SGO1: variants seen among roughly 807,000 people sequenced by gnomAD.
SGO1 encodes the protein serologically defined breast cancer antigen NY-BR-85.
A neutral mutation model predicts 50.5 loss-of-function variants in SGO1; 39 were observed. The ratio of observed to expected loss-of-function variants is 0.77; its 90% CI spans 0.60 to 1.01. The LOEUF (loss-of-function observed/expected upper bound fraction) is 1.01, where lower values mean the gene tolerates loss of function less well. Among genes scored for constraint, SGO1 ranks in the 50% least tolerant of loss-of-function variants. The pLI, the probability that SGO1 is intolerant of heterozygous loss-of-function variation, is 0.00. For synonymous variants in SGO1, 191 were observed against 205.1 expected, an observed-to-expected ratio of 0.93 and a Z score of 0.59; for missense variants, 638 against 606.0, an observed-to-expected ratio of 1.05 and a Z score of -0.55.
chr3:20,178,706 G>T lies in SGO1; in HGVS notation c.340-359C>A, dbSNP rs368937395. Reference sequence around the variant, plus strand: ...ACTGCAAAGGAGCTAGCCACTGAAAGAACAGGAGGAAAAGAAGGCAGTGGA... The same window carrying T: ...ACTGCAAAGGAGCTAGCCACTGAAATAACAGGAGGAAAAGAAGGCAGTGGA... On this transcript the variant is annotated intron_variant, in intron 3 of 7. Coordinates refer to ENST00000412997, the MANE Select transcript of SGO1 (RefSeq NM_001199251.3). Among the ~76,000 whole-genome samples, 201 of 152,298 alleles carry T rather than the reference G, an allele frequency of 1.3e-3. 1 individual carries two copies. The highest frequency in any genetic ancestry group is 4.7e-3 in the African/African-American group (196 of 41,566).
At chr3:20,180,509 A>G (rs1350937090) in intron 3 of SGO1, among the ~76,000 whole-genome samples, 1 of 152,144 alleles carries the variant, frequency 6.6e-6, no homozygotes, top group East Asian at 1.9e-4. Context: ...GATATATAGA[A>G]GAGAGAACAA....
At position 20,186,098 on chromosome 3, in the gene SGO1, C is replaced by T. The variant is rs926740102; in HGVS notation, c.-158G>A. 2 of 152,788 alleles carry T rather than the reference C, an allele frequency of 1.3e-5. No individual in the cohort carries two copies. The highest frequency in any genetic ancestry group is 4.8e-5 in the African/African-American group (2 of 41,482). The allele number at this position is 152,788 out of a possible 1,614,324, so 9.5% of individuals were successfully genotyped here. On this transcript the variant is annotated 5_prime_UTR_variant, in exon 1 of 8. An upstream open reading frame in the 5' UTR loses its in-frame stop. Coordinates refer to ENST00000412997, the MANE Select transcript of SGO1 (RefSeq NM_001199251.3). The stretch of plus-strand genomic sequence containing the variant: ...CTGCAACAGCTATCTTCCTCCTCCT[C>T]ACATTTCAAGGCTCTTCGAAGCTCT...
exon 9 of SGO1, chr3:20,161,102 A>C: frequency 6.2e-7 from 1 of 1,613,918 alleles, no homozygotes; most frequent in Non-Finnish European, 8.5e-7. Flanking sequence ...AAGCCCGTGG[A>C]CTTTACCTCA....
chr3:20,183,479 A>G, intron 3 of SGO1, 129 bp downstream of exon 3: 2 of 781,580 alleles, frequency 2.6e-6, no homozygotes, highest in Non-Finnish European at 4.0e-6. Flanking sequence ...TGGAGCACTA[A>G]AGAAGGATGT....
rs1054991100 is a variant in SGO1, at chr3:20,169,557, A to C, written c.*1147T>G. 4.1e-6 allele frequency: 4 copies of C among 984,512 alleles called. No individual in the cohort carries two copies. The highest frequency in any genetic ancestry group is 4.8e-6 in the Non-Finnish European group (4 of 829,152). 61.0% of individuals were successfully genotyped at this position (984,512 alleles called of 1,614,324 possible). A position where few individuals can be genotyped will look rare whatever the true frequency, so the allele number is the denominator to read the frequency against. The stretch of plus-strand genomic sequence containing the variant: ...TTCTAAAATTTAAAGAGGTATATAC[A>C]AGTATAGACATCAAACTTTCTAAAC... On this transcript the variant is annotated 3_prime_UTR_variant, in exon 8 of 8. Transcript: ENST00000412997.
intron 6 of SGO1, among the ~76,000 whole-genome samples, chr3:20,172,949 G>C (rs1345311958): frequency 1.3e-5 from 2 of 152,102 alleles, no homozygotes; most frequent in African/African-American, 4.8e-5. Flanking sequence ...CGAGGTGATA[G>C]AGCAAGACCC....
intron 8 of SGO1, among the ~76,000 whole-genome samples, chr3:20,161,597 A>T (rs1309706529): frequency 6.6e-6 from 1 of 152,170 alleles, no homozygotes; most frequent in Non-Finnish European, 1.5e-5. Context: ...TCAGGGCAGA[A>T]TATTGGTTTT....
chr3:20,169,020 A>C, downstream of SGO1: 1 of 984,656 alleles, frequency 1.0e-6, no homozygotes. Flanking sequence ...ATAAGTATGA[A>C]GGGAGTAGTA....
chr3:20,166,315 T>C (rs1455160065), downstream of SGO1, among the ~76,000 whole-genome samples: 4 of 152,196 alleles, frequency 2.6e-5, no homozygotes, highest in Admixed American at 6.5e-5. Flanking sequence ...TGGATTTGAA[T>C]AGACATTTCT....
At chr3:20,179,521 C>G (rs1359427022) in intron 3 of SGO1, among the ~76,000 whole-genome samples, 1 of 152,080 alleles carries the variant, frequency 6.6e-6, no homozygotes, top group East Asian at 1.9e-4. Context: ...AACTCCTGGG[C>G]ACAAGCAATC....
chr3:20,180,967 C>T (rs981140292), intron 3 of SGO1, among the ~76,000 whole-genome samples: 2 of 152,184 alleles, frequency 1.3e-5, no homozygotes, highest in East Asian at 1.9e-4. Context: ...TCTCTACCCC[C>T]AACAAAAAAA....
At chr3:20,184,737 T>C (rs1702427901) in intron 1 of SGO1, among the ~76,000 whole-genome samples, 2 of 152,194 alleles carry the variant, frequency 1.3e-5, no homozygotes. Context: ...TCCCAGTAAA[T>C]TATGAACATA....
chr3:20,183,810 A>C lies in SGO1; in HGVS notation c.143-6T>G, dbSNP rs1212063267. 1 of 1,602,364 alleles carries C rather than the reference A, an allele frequency of 6.2e-7. No individual in the cohort carries two copies. Among genetic ancestry groups the C allele is most frequent in the Non-Finnish European group, 8.5e-7 (1 of 1,177,358 alleles). On this transcript the variant is annotated splice_region_variant and splice_polypyrimidine_tract_variant and intron_variant, in intron 2 of 7. Transcript: ENST00000412997. Reference sequence around the variant, plus strand: ...CAGCAGTGTAGAAGTGTTGGCTAAAAGAGGATAAAAAAATTTATCAGTTAT... The same window carrying C: ...CAGCAGTGTAGAAGTGTTGGCTAAACGAGGATAAAAAAATTTATCAGTTAT...
rs745356788 is a variant in SGO1, at chr3:20,183,986, A to C, written c.42T>G (p.Ser14Arg). 6.2e-7 allele frequency: 1 copy of C among 1,605,136 alleles called. No homozygotes were observed. Among genetic ancestry groups the C allele is most frequent in the Non-Finnish European group, 8.5e-7 (1 of 1,178,032 alleles). Residue 14 changes from serine (S) to arginine (R), a missense_variant, in exon 2 of 8, where the codon AGT becomes AGG. Physicochemically the swap from Ser to Arg is moderately radical, Grantham distance 110. Transcript: ENST00000412997. ...ERCLKKSFQD[S>R]LEDIKKRMKE... Reference sequence around the variant, plus strand: ...TCATTCGCTTCTTTATGTCTTCAAGACTATCTTGAAAGGACTTTTTCAGGC... The same window carrying C: ...TCATTCGCTTCTTTATGTCTTCAAGCCTATCTTGAAAGGACTTTTTCAGGC...
chr3:20,169,386 A>ACCAAG (rs1700495725), downstream of SGO1: 1 of 984,706 alleles, frequency 1.0e-6, no homozygotes, highest in African/African-American at 1.7e-5. Context: ...AAAAGAGAAT[A>ACCAAG]CCAAGGGGAG....
downstream of SGO1, among the ~76,000 whole-genome samples, chr3:20,167,437 T>C (rs892833413): frequency 6.7e-6 from 1 of 148,612 alleles, no homozygotes; most frequent in African/African-American, 2.5e-5. Flanking sequence ...TTAGAATACT[T>C]GTCAACAGAA....
At chr3:20,183,062 T>C (rs1280041173) in intron 3 of SGO1, among the ~76,000 whole-genome samples, 1 of 152,084 alleles carries the variant, frequency 6.6e-6, no homozygotes, top group Non-Finnish European at 1.5e-5. Flanking sequence ...TGATCTTACT[T>C]GTCTGGGAGT....
Position 20,171,306 on chromosome 3 carries a change from A to G in SGO1, c.1283-74T>C, listed in dbSNP as rs1210792858. The G allele has an allele frequency of 1.8e-5, 22 of 1,218,990 alleles. No homozygotes were observed. In the Admixed American group the frequency reaches 3.1e-4, roughly 17 times the overall value. The allele number at this position is 1,218,990 out of a possible 1,614,324, so 75.5% of individuals were successfully genotyped here. On this transcript the variant is annotated intron_variant, in intron 6 of 7. Coordinates refer to ENST00000412997, the MANE Select transcript of SGO1 (RefSeq NM_001199251.3). Reference sequence around the variant, plus strand: ...AAAAACTTAAATTGTACTCAATTGTATATATCTTAACTGTACACAAAATCC... The same window carrying G: ...AAAAACTTAAATTGTACTCAATTGTGTATATCTTAACTGTACACAAAATCC...
chr3:20,160,913 G>A, exon 9 of SGO1: 1 of 693,080 alleles, frequency 1.4e-6, no homozygotes, highest in Admixed American at 3.4e-5. Context: ...TGATTCCTCG[G>A]TCACCCTGGG....
Sources: allele counts gnomAD v4.1 joint callset (sites outside exome capture counted in the v4.1 genomes callset), GRCh38; gene constraint gnomAD v4.1.1; transcripts MANE v1.5; gene names NCBI Gene and HGNC (gene_info 2026-07-23, HGNC 2026-07-21).